PID1: variants seen among roughly 807,000 people sequenced by gnomAD.
The protein encoded by PID1 is phosphotyrosine interaction domain containing 1, also known as PTB-containing, cubilin and LRP1-interacting protein.
In PID1, 10 loss-of-function variants were observed where a neutral mutation model predicts 19.1. The ratio of observed to expected loss-of-function variants is 0.52; its 90% CI spans 0.32 to 0.89. The LOEUF (loss-of-function observed/expected upper bound fraction) is 0.89. PID1 is among the 40% of genes least tolerant of loss of function. The pLI, the probability that PID1 is intolerant of heterozygous loss-of-function variation, is 0.03. For synonymous variants in PID1, 130 were observed against 116.0 expected, an observed-to-expected ratio of 1.12 and a Z score of -0.78; for missense variants, 248 against 285.3, an observed-to-expected ratio of 0.87 and a Z score of 0.94.
intron 2 of PID1, among the ~76,000 whole-genome samples, chr2:229,116,316 G>C (rs1695410406): frequency 6.6e-6 from 1 of 152,214 alleles, no homozygotes; most frequent in Non-Finnish European, 1.5e-5. Context: ...ATCGGATGCT[G>C]AGTCTTTATG....
intron 1 of PID1, among the ~76,000 whole-genome samples, chr2:229,177,421 C>T (rs375635440): frequency 5.6e-4 from 86 of 152,298 alleles, no homozygotes; most frequent in South Asian, 5.6e-3. Flanking sequence ...ATAATTGTTA[C>T]GTGAATTATT....
At chr2:229,261,016 A>G (rs1559307175) in intron 1 of PID1, among the ~76,000 whole-genome samples, 1 of 152,154 alleles carries the variant, frequency 6.6e-6, no homozygotes, top group South Asian at 2.1e-4. Flanking sequence ...CACTAACCCA[A>G]TATGACTGGT....
intron 1 of PID1, among the ~76,000 whole-genome samples, chr2:229,164,429 A>C (rs1208419714): frequency 6.6e-6 from 1 of 152,214 alleles, no homozygotes; most frequent in Non-Finnish European, 1.5e-5. Flanking sequence ...AAACAGGTCA[A>C]CATGTCTGTC....
chr2:229,187,993 G>A (rs1368517894), intron 1 of PID1, among the ~76,000 whole-genome samples: 1 of 152,106 alleles, frequency 6.6e-6, no homozygotes, highest in African/African-American at 2.4e-5. Flanking sequence ...CTGAGAATAT[G>A]TTTACCCTTC....
chr2:229,081,041 A>AT (rs1307109855), intron 2 of PID1, among the ~76,000 whole-genome samples: 3 of 152,074 alleles, frequency 2.0e-5, no homozygotes, highest in Non-Finnish European at 4.4e-5. Context: ...AATCTTCCTC[A>AT]TTTTTTCTCT....
At chr2:229,216,885 A>T (rs883730) in intron 1 of PID1, among the ~76,000 whole-genome samples, 4 of 111,882 alleles carry the variant, frequency 3.6e-5, no homozygotes, top group Non-Finnish European at 7.1e-5. Flanking sequence ...ATATACATAT[A>T]TTTTTTTAAA....
chr2:229,132,639 T>C (rs978684452), intron 2 of PID1, among the ~76,000 whole-genome samples: 1 of 152,206 alleles, frequency 6.6e-6, no homozygotes, highest in African/African-American at 2.4e-5. Flanking sequence ...AAATGTTTGA[T>C]TAGGAGCATT....
chr2:229,134,417 T>C (rs566220918), intron 2 of PID1, among the ~76,000 whole-genome samples: 1 of 141,098 alleles, frequency 7.1e-6, no homozygotes, highest in Admixed American at 7.1e-5. Context: ...TTTTTTTTTG[T>C]ATTTTTAGTA....
In PID1 at chr2:229,044,158, T is replaced by C. The variant is rs376757093; in HGVS notation, c.178-18050A>G. ...TGGATTTTCCATGTGGCTGTTTGCA[T>C]ATTGACTTTTTCGACTGTGCTTTTC... On this transcript the variant is annotated intron_variant, in intron 2 of 2. Coordinates refer to ENST00000392055, the MANE Select transcript of PID1 (RefSeq NM_001100818.2). 3.5e-4 allele frequency among the ~76,000 whole-genome samples: 54 copies of C among 152,296 alleles called. No homozygotes were observed. In the East Asian group the frequency reaches 6.6e-3, roughly 19 times the overall value.
chr2:229,191,595 T>A (rs1691261189), intron 1 of PID1, among the ~76,000 whole-genome samples: 1 of 152,192 alleles, frequency 6.6e-6, no homozygotes, highest in South Asian at 2.1e-4. Context: ...ATTAGGGGTA[T>A]TTTTCAATCC....
chr2:229,261,682 G>A (rs1690464131), intron 1 of PID1, among the ~76,000 whole-genome samples: 1 of 152,194 alleles, frequency 6.6e-6, no homozygotes, highest in South Asian at 2.1e-4. Flanking sequence ...ATGGACACAG[G>A]GGATATTCCT....
At chr2:229,270,456 C>T (rs13026191) in intron 1 of PID1, among the ~76,000 whole-genome samples, 35,812 of 151,958 alleles carry the variant, frequency 0.24, 4,921 homozygotes, top group Non-Finnish European at 0.31. Context: ...CTGGCTGAAC[C>T]TACTTTTGAT....
intron 1 of PID1, among the ~76,000 whole-genome samples, chr2:229,208,268 CTT>C (rs1208749514): frequency 6.6e-6 from 1 of 152,180 alleles, no homozygotes; most frequent in Non-Finnish European, 1.5e-5. Context: ...AGTGCAGTAA[CTT>C]CATCAATCAC....
intron 2 of PID1, among the ~76,000 whole-genome samples, chr2:229,085,683 T>C (rs1389200305): frequency 6.6e-6 from 1 of 152,134 alleles, no homozygotes; most frequent in African/African-American, 2.4e-5. Context: ...GTTACATAAA[T>C]AGAAAAGTAG....
intron 1 of PID1, among the ~76,000 whole-genome samples, chr2:229,163,209 C>T (rs1012786914): frequency 1.3e-5 from 2 of 152,058 alleles, no homozygotes; most frequent in Non-Finnish European, 2.9e-5. Flanking sequence ...CAGGCATATA[C>T]AAAATTAAAC....
intron 1 of PID1, among the ~76,000 whole-genome samples, chr2:229,203,875 C>G (rs755191518): frequency 1.7e-4 from 26 of 152,044 alleles, no homozygotes; most frequent in Admixed American, 1.7e-3. Context: ...TTTAATGAGT[C>G]TCTGCTGACA....
chr2:229,134,743 A>T (rs892672125), intron 2 of PID1, among the ~76,000 whole-genome samples: 1 of 152,174 alleles, frequency 6.6e-6, no homozygotes, highest in Non-Finnish European at 1.5e-5. Context: ...TGATTTATTA[A>T]AATCTTAGAG....
intron 2 of PID1, among the ~76,000 whole-genome samples, chr2:229,049,529 A>G (rs2106182474): frequency 6.6e-6 from 1 of 152,336 alleles, no homozygotes; most frequent in African/African-American, 2.4e-5. Context: ...GAAACATACC[A>G]TGAGCAATTA....
intron 2 of PID1, among the ~76,000 whole-genome samples, chr2:229,129,841 A>G (rs1319583444): frequency 6.6e-6 from 1 of 152,146 alleles, no homozygotes; most frequent in Admixed American, 6.5e-5. Flanking sequence ...GGAGACTAGC[A>G]CCCACGGCTT....
Sources: allele counts gnomAD v4.1 joint callset (sites outside exome capture counted in the v4.1 genomes callset), GRCh38; gene constraint gnomAD v4.1.1; transcripts MANE v1.5; gene names NCBI Gene and HGNC (gene_info 2026-07-23, HGNC 2026-07-21).